ADCY1: variants seen among roughly 807,000 people sequenced by gnomAD.
ADCY1 encodes adenylate cyclase 1.
ADCY1 carries 28 observed loss-of-function variants against 105.4 expected under a neutral mutation model. The ratio of observed to expected loss-of-function variants is 0.27; its 90% CI spans 0.20 to 0.36. ADCY1 has a LOEUF of 0.36. ADCY1 is among the 10% of genes least tolerant of loss of function. The pLI is 1.00. For synonymous variants in ADCY1, 655 were observed against 623.8 expected (o/e 1.05, Z -0.75); for missense variants, 977 against 1,434.2 (o/e 0.68, Z 5.15).
Position 45,701,093 on chromosome 7 carries a change from A to G in ADCY1, c.2455-2283A>G, listed in dbSNP as rs184374537. Among the ~76,000 whole-genome samples the G allele has an allele frequency of 4.6e-5, 7 of 152,356 alleles. 1 individual carries two copies. The highest frequency in any genetic ancestry group is 1.7e-4 in the African/African-American group (7 of 41,586). On this transcript the variant is annotated intron_variant, in intron 14 of 19. Transcript: ENST00000297323. ...CATTCTGAACATGGAGGTTGGATGG[A>G]CACGTGATTTTGTTGACAGGAATAA...
At position 45,662,096 on chromosome 7, in the gene ADCY1, C is replaced by T; in HGVS notation, c.1487C>T (p.Ala496Val). 1.9e-6 allele frequency: 3 copies of T among 1,614,104 alleles called. No homozygotes were observed. The highest frequency in any genetic ancestry group is 1.1e-5 in the South Asian group (1 of 91,072). ...PGLILSDIKP[A>V]KRMKFKTVCY... is the part of the protein sequence containing the mutation. ...CTGATTCTCTCAGATATAAAACCGGCCAAAAGGATGAAGTTCAAGACTGTC... is the reference window on the plus strand; with the variant it reads ...CTGATTCTCTCAGATATAAAACCGGTCAAAAGGATGAAGTTCAAGACTGTC... The change falls in exon 8 of 20, where the codon GCC becomes GTC. Residue 496 changes from alanine (A) to valine (V), a missense_variant. Ala to Val is a moderately conservative substitution (Grantham distance 64). Around this residue, in one of 7 missense-constraint regions of ADCY1, gnomAD observed 66 missense variants for 127.2 expected, o/e 0.52. Transcript: ENST00000297323.
At chr7:45,652,574 C>T (rs1437882389) in intron 5 of ADCY1, among the ~76,000 whole-genome samples, 5 of 152,290 alleles carry the variant, frequency 3.3e-5, no homozygotes, top group Non-Finnish European at 4.4e-5. Context: ...ATGGGAAAAA[C>T]GGATAGACAT....
rs571973844 is a variant in ADCY1, at chr7:45,610,526, G to A, written c.908+29G>A. The A allele has an allele frequency of 4.8e-5, 77 of 1,587,998 alleles. 1 individual carries two copies. The South Asian group carries it at 7.3e-4, about 15-fold the overall frequency. On this transcript the variant is annotated intron_variant, in intron 3 of 19. Coordinates refer to ENST00000297323, the MANE Select transcript of ADCY1 (RefSeq NM_021116.4). ...GGGCTGGTGCTGACCCGGCACAGCG[G>A]GGAGCCTGGGAAGCTGAGGTGTGGA... is the stretch of plus-strand genomic sequence containing the variant.
chr7:45,665,115 C>T (rs889899961), intron 8 of ADCY1, among the ~76,000 whole-genome samples: 9 of 152,134 alleles, frequency 5.9e-5, no homozygotes, highest in Admixed American at 4.6e-4. Context: ...TGAACTCATT[C>T]TTTTTTATGG....
intron 3 of ADCY1, among the ~76,000 whole-genome samples, chr7:45,614,369 GA>G (rs1171921187): frequency 1.3e-5 from 2 of 150,540 alleles, no homozygotes; most frequent in Admixed American, 6.6e-5. Context: ...TAACCACAAA[GA>G]AAAAAAATGG....
chr7:45,645,734 T>A (rs991460244), intron 4 of ADCY1, among the ~76,000 whole-genome samples: 6 of 151,880 alleles, frequency 4.0e-5, no homozygotes, highest in Non-Finnish European at 8.8e-5. Context: ...CTCACGCACA[T>A]GAGATGCAGG....
In ADCY1 at chr7:45,574,524, G is replaced by A. The variant is rs2115672914; in HGVS notation, c.-20G>A. On this transcript the variant is annotated 5_prime_UTR_variant, in exon 1 of 20. Transcript: ENST00000297323. The surrounding 1 kb of genome is among the most constrained non-coding windows in gnomAD (Gnocchi z 7.0). ...CGGCGAGGGGCGCGCCCGCGGCCGC[G>A]GCCGCTGCATGGCGCTGAGATGGCG... 1.0e-6 allele frequency: 1 copy of A among 976,080 alleles called. No homozygotes were observed. Among genetic ancestry groups the A allele is most frequent in the Non-Finnish European group, 1.2e-6 (1 of 826,214 alleles). 60.5% of individuals were successfully genotyped at this position (976,080 alleles called of 1,614,324 possible).
intron 4 of ADCY1, among the ~76,000 whole-genome samples, chr7:45,648,326 T>C (rs905952269): frequency 6.6e-6 from 1 of 152,170 alleles, no homozygotes; most frequent in Non-Finnish European, 1.5e-5. Context: ...TAAAGGGAGT[T>C]GGGGAAGATG....
At chr7:45,635,754 A>G (rs1794387413) in intron 4 of ADCY1, among the ~76,000 whole-genome samples, 1 of 151,822 alleles carries the variant, frequency 6.6e-6, no homozygotes, top group African/African-American at 2.4e-5. Context: ...TCTTAAATTT[A>G]TGGCCCAGAA....
intron 1 of ADCY1, among the ~76,000 whole-genome samples, chr7:45,579,409 C>T (rs1792454476): frequency 6.6e-6 from 1 of 151,954 alleles, no homozygotes; most frequent in Non-Finnish European, 1.5e-5. Context: ...TCCTCCCCCA[C>T]CAGCCCCTCC....
chr7:45,575,128 C>G lies in ADCY1; in HGVS notation c.585C>G (p.His195Gln). 6.2e-7 allele frequency: 1 copy of G among 1,611,928 alleles called. No individual in the cohort carries two copies. Among genetic ancestry groups the G allele is most frequent in the Non-Finnish European group, 8.5e-7 (1 of 1,179,670 alleles). ...IGFGLVVAAS[H>Q]LLVTATLVPA... ...TTGGGCTCGTGGTGGCTGCGTCGCA[C>G]TTGCTGGTCACAGCCACCTTGGTCC... is the stretch of plus-strand genomic sequence containing the variant. The change falls in exon 1 of 20, where the codon CAC (histidine) becomes CAG (glutamine). Residue 195 changes from histidine (H) to glutamine (Q), a missense_variant. This residue lies in a region of ADCY1 where 196 missense variants were observed against 347.8 expected (regional missense o/e 0.56). Coordinates refer to ENST00000297323, the MANE Select transcript of ADCY1 (RefSeq NM_021116.4). This position sits in a 1 kb window ranked among gnomAD's most constrained non-coding sequence, Gnocchi z 4.7.
chr7:45,666,292 C>G (rs1355976226), intron 8 of ADCY1, among the ~76,000 whole-genome samples: 1 of 152,154 alleles, frequency 6.6e-6, no homozygotes, highest in Non-Finnish European at 1.5e-5. Context: ...CCACTCCCCC[C>G]ACACCACAAC....
rs1785153543 is a variant in ADCY1 at position 45,708,005 on chromosome 7, A to C, written c.2818-345A>C. Among the ~76,000 whole-genome samples the C allele has an allele frequency of 6.6e-6, 1 of 152,222 alleles. No individual in the cohort carries two copies. Among genetic ancestry groups the C allele is most frequent in the Admixed American group, 6.5e-5 (1 of 15,280 alleles). On this transcript the variant is annotated intron_variant, in intron 17 of 19. Coordinates refer to ENST00000297323, the MANE Select transcript of ADCY1 (RefSeq NM_021116.4). This position sits in a 1 kb window ranked among gnomAD's most constrained non-coding sequence, Gnocchi z 4.7. ...GGAGGGAAATTGCCTACTCCCTGGC[A>C]TGCATCTCTGTCCTTGTTTTGCTCA...
rs528806219 is a variant in ADCY1, at chr7:45,659,685, T to C, written c.1308-357T>C. Among the ~76,000 whole-genome samples the C allele has an allele frequency of 3.9e-5, 6 of 152,280 alleles. No homozygotes were observed. In the East Asian group the frequency reaches 1.2e-3, roughly 29 times the overall value. On this transcript the variant is annotated intron_variant, in intron 6 of 19. Coordinates refer to ENST00000297323, the MANE Select transcript of ADCY1 (RefSeq NM_021116.4). ...ATGGCTGGGGAGGGACTCCCATGTC[T>C]CCTCTCCTCTTTCTCTTCTTCACAT...
intron 14 of ADCY1, among the ~76,000 whole-genome samples, chr7:45,697,031 T>A (rs1321175062): frequency 6.6e-6 from 1 of 152,178 alleles, no homozygotes; most frequent in Non-Finnish European, 1.5e-5. Context: ...AATGCTGACT[T>A]TTCTGAAAAG....
Position 45,720,491 on chromosome 7 carries a change from G to A in ADCY1, c.*6496G>A, listed in dbSNP as rs1242506823. 3 of 150,594 alleles carry A rather than the reference G, an allele frequency of 2.0e-5. No homozygotes were observed. The highest frequency in any genetic ancestry group is 4.4e-5 in the Non-Finnish European group (3 of 67,826). The allele number at this position is 150,594 out of a possible 1,614,324, so 9.3% of individuals were successfully genotyped here. A position where few individuals can be genotyped will look rare whatever the true frequency, so the allele number is the denominator to read the frequency against. ...AGATTGCACCATTGCACTCCAGCCT[G>A]GGCGACAGAGCAAGACTCTCTCAAA... On this transcript the variant is annotated 3_prime_UTR_variant, in exon 20 of 20. Coordinates refer to ENST00000297323, the MANE Select transcript of ADCY1 (RefSeq NM_021116.4).
chr7:45,711,744 CGT>C (rs1001801065), intron 19 of ADCY1, among the ~76,000 whole-genome samples: 15 of 135,714 alleles, frequency 1.1e-4, no homozygotes, highest in Non-Finnish European at 1.4e-4. Flanking sequence ...TGTATATATA[CGT>C]GTGTGTATAT....
At chr7:45,606,836 G>C (rs1043025381) in intron 2 of ADCY1, among the ~76,000 whole-genome samples, 4 of 152,098 alleles carry the variant, frequency 2.6e-5, no homozygotes, top group African/African-American at 9.7e-5. Flanking sequence ...ATTCATATTA[G>C]CTTTTATACT....
intron 12 of ADCY1, 68 bp from the exon 13 acceptor site, chr7:45,685,894 G>T: frequency 6.5e-7 from 1 of 1,536,156 alleles, no homozygotes; most frequent in South Asian, 1.3e-5. Flanking sequence ...AGGGACACCT[G>T]AGCATGCTTA....
Sources: allele counts gnomAD v4.1 joint callset (sites outside exome capture counted in the v4.1 genomes callset), GRCh38; gene constraint gnomAD v4.1.1; regional missense constraint gnomAD v4.1.1; non-coding constraint Gnocchi (gnomAD v3.1); transcripts MANE v1.5; gene names NCBI Gene and HGNC (gene_info 2026-07-23, HGNC 2026-07-21).